ENTREP2: variants seen among roughly 807,000 people sequenced by gnomAD.
The protein encoded by ENTREP2 is protein ENTREP2.
At chr15:29,327,529 A>C in the ENTREP2 span, among the ~76,000 whole-genome samples, 1 of 150,744 alleles carries the variant, frequency 6.6e-6, no homozygotes, top group African/African-American at 2.5e-5. Context: ...CGGGAGGTAG[A>C]GCTTGCAGTG....
chr15:29,499,999 A>G, the ENTREP2 span, among the ~76,000 whole-genome samples: 38 of 152,316 alleles, frequency 2.5e-4, 1 homozygote, highest in African/African-American at 8.7e-4. Flanking sequence ...GCTACTAAAA[A>G]CAAAGCAGCA....
the ENTREP2 span, among the ~76,000 whole-genome samples, chr15:29,476,615 C>CT: frequency 6.6e-6 from 1 of 152,246 alleles, no homozygotes; most frequent in Non-Finnish European, 1.5e-5. Flanking sequence ...CCCCTGACCA[C>CT]CCTTGTCCTT....
chr15:29,222,071 C>T, the ENTREP2 span, among the ~76,000 whole-genome samples: 4 of 152,270 alleles, frequency 2.6e-5, no homozygotes, highest in East Asian at 7.7e-4. Flanking sequence ...CTGAGACCTA[C>T]TGGGCTGCAT....
At chr15:29,411,172 T>A in the ENTREP2 span, among the ~76,000 whole-genome samples, 2 of 152,242 alleles carry the variant, frequency 1.3e-5, no homozygotes, top group Non-Finnish European at 2.9e-5. Context: ...TTGATGACTA[T>A]CCTGGTGCAC....
At chr15:29,485,671 A>T in the ENTREP2 span, among the ~76,000 whole-genome samples, 1 of 152,248 alleles carries the variant, frequency 6.6e-6, no homozygotes, top group Non-Finnish European at 1.5e-5. Context: ...GCAAAGAACA[A>T]ATAATCCCAT....
chr15:29,666,591 G>A, the ENTREP2 span, among the ~76,000 whole-genome samples: 1 of 152,128 alleles, frequency 6.6e-6, no homozygotes, highest in Non-Finnish European at 1.5e-5. Context: ...TCTCCCTTAT[G>A]GAATCAAATC....
chr15:29,241,474 G>C, the ENTREP2 span, among the ~76,000 whole-genome samples: 1 of 152,160 alleles, frequency 6.6e-6, no homozygotes, highest in African/African-American at 2.4e-5. Context: ...CTGTGTGGTA[G>C]GGAGTAGGAG....
chr15:29,268,965 T>C, the ENTREP2 span: 8 of 1,614,064 alleles, frequency 5.0e-6, no homozygotes, highest in Non-Finnish European at 6.8e-6. Context: ...CCCACTGGAA[T>C]TCGTAGTCGA....
the ENTREP2 span, among the ~76,000 whole-genome samples, chr15:29,563,905 CTTTAT>C: frequency 1.3e-3 from 199 of 151,658 alleles, no homozygotes; most frequent in Middle Eastern, 0.01. Flanking sequence ...TCTTAGGAAA[CTTTAT>C]TTTCTTTTAG....
At chr15:29,657,737 T>C in the ENTREP2 span, among the ~76,000 whole-genome samples, 1 of 152,014 alleles carries the variant, frequency 6.6e-6, no homozygotes, top group African/African-American at 2.4e-5. Context: ...CATTTTACAA[T>C]CCTCTTGTAA....
chr15:29,564,217 C>A, the ENTREP2 span, among the ~76,000 whole-genome samples: 1 of 152,178 alleles, frequency 6.6e-6, no homozygotes, highest in South Asian at 2.1e-4. Flanking sequence ...TGTTTCCCAG[C>A]ATCAAGTCCA....
At chr15:29,138,458 G>C in the ENTREP2 span, among the ~76,000 whole-genome samples, 1 of 152,210 alleles carries the variant, frequency 6.6e-6, no homozygotes, top group Non-Finnish European at 1.5e-5. Flanking sequence ...TGCTGCAAAA[G>C]CTCTGGGCCA....
the ENTREP2 span, among the ~76,000 whole-genome samples, chr15:29,597,782 A>ACCT: frequency 6.6e-6 from 1 of 152,116 alleles, no homozygotes; most frequent in African/African-American, 2.4e-5. Flanking sequence ...CTTCCAAATC[A>ACCT]GTTCAGTTTC....
At chr15:29,488,370 A>C in the ENTREP2 span, among the ~76,000 whole-genome samples, 4 of 152,228 alleles carry the variant, frequency 2.6e-5, no homozygotes, top group Non-Finnish European at 5.9e-5. Flanking sequence ...AATGAAAATT[A>C]TCCAGTCTGA....
the ENTREP2 span, among the ~76,000 whole-genome samples, chr15:29,499,427 A>G: frequency 0.034 from 5,210 of 152,180 alleles, 284 homozygotes; most frequent in African/African-American, 0.12. Flanking sequence ...TCTGTTGCCC[A>G]GGCTGGAGTG....
At chr15:29,629,768 C>T in the ENTREP2 span, among the ~76,000 whole-genome samples, 1 of 152,112 alleles carries the variant, frequency 6.6e-6, no homozygotes, top group Admixed American at 6.5e-5. Context: ...TTCCTTTCCT[C>T]TTTCTGTCAT....
chr15:29,240,948 T>C, the ENTREP2 span, among the ~76,000 whole-genome samples: 1 of 152,220 alleles, frequency 6.6e-6, no homozygotes, highest in South Asian at 2.1e-4. Context: ...TAGGTTTGTA[T>C]AAAAATATCA....
At chr15:29,537,585 C>T in the ENTREP2 span, among the ~76,000 whole-genome samples, 2 of 152,204 alleles carry the variant, frequency 1.3e-5, no homozygotes, top group Admixed American at 1.3e-4. Context: ...CACCATCTCT[C>T]TCTGGATCAT....
At chr15:29,588,340 C>T in the ENTREP2 span, among the ~76,000 whole-genome samples, 1 of 152,058 alleles carries the variant, frequency 6.6e-6, no homozygotes, top group African/African-American at 2.4e-5. Context: ...GGGTGGCGGG[C>T]GCCTGTAATC....
Sources: allele counts gnomAD v4.1 joint callset (sites outside exome capture counted in the v4.1 genomes callset), GRCh38; gene constraint gnomAD v4.1.1; transcripts MANE v1.5; gene names NCBI Gene and HGNC (gene_info 2026-07-23, HGNC 2026-07-21).